The following RCSD1 variants were observed in gnomAD, a reference collection of about 807,000 sequenced individuals.
RCSD1 encodes the protein RCSD domain containing 1, also known as capZ-interacting protein.
In RCSD1, 26 loss-of-function variants were observed where a neutral mutation model predicts 42.5. The ratio of observed to expected loss-of-function variants is 0.61; its 90% CI spans 0.45 to 0.85. The LOEUF (loss-of-function observed/expected upper bound fraction) is 0.85, where lower values mean the gene tolerates loss of function less well. Ranked by LOEUF, RCSD1 falls within the 40% of genes least tolerant of loss-of-function variation. The pLI is 0.00. For missense variants in RCSD1, 571 were observed against 528.3 expected, an observed-to-expected ratio of 1.08 and a Z score of -0.79; for synonymous variants, 220 against 212.2, an observed-to-expected ratio of 1.04 and a Z score of -0.32.
intron 6 of RCSD1, 73 bp downstream of exon 6, chr1:167,697,915 T>C: frequency 5.9e-6 from 8 of 1,362,030 alleles, no homozygotes; most frequent in Non-Finnish European, 7.6e-6. Flanking sequence ...CATGTCCTGT[T>C]CCGTACAGTC....
intron 1 of RCSD1, among the ~76,000 whole-genome samples, chr1:167,682,668 A>AGTGTGT (rs10607777): frequency 0.025 from 3,535 of 142,640 alleles, 62 homozygotes; most frequent in Middle Eastern, 0.036. Context: ...GCCATGGAAG[A>AGTGTGT]GTGTGTGTGT....
intron 2 of RCSD1, 78 bp downstream of exon 2, chr1:167,684,079 GGGAGGGAGGA>G (rs1395073257): frequency 9.2e-6 from 11 of 1,200,000 alleles, no homozygotes; most frequent in Non-Finnish European, 1.3e-5. Context: ...CCAGCGGAGA[GGGAGGGAGGA>G]GGCTTGGTAG....
At chr1:167,681,890 G>C (rs139097658) in intron 1 of RCSD1, among the ~76,000 whole-genome samples, 1 of 152,180 alleles carries the variant, frequency 6.6e-6, no homozygotes, top group Non-Finnish European at 1.5e-5. Context: ...AGGGTAAAAC[G>C]TGTCAAGTCT....
At chr1:167,657,878 CTA>C (rs1170184827) in intron 1 of RCSD1, among the ~76,000 whole-genome samples, 1 of 151,272 alleles carries the variant, frequency 6.6e-6, no homozygotes, top group African/African-American at 2.4e-5. Flanking sequence ...AAAATCAGTT[CTA>C]GTTTACTCAT....
chr1:167,690,483 G>A (rs1025954651), intron 4 of RCSD1, among the ~76,000 whole-genome samples: 46 of 152,230 alleles, frequency 3.0e-4, no homozygotes, highest in African/African-American at 1.1e-3. Flanking sequence ...AGACCAGACT[G>A]GGCAACATAG....
At chr1:167,695,538 A>AT (rs34867466) in intron 5 of RCSD1, among the ~76,000 whole-genome samples, 3,713 of 141,038 alleles carry the variant, frequency 0.026, 148 homozygotes, top group African/African-American at 0.086. Context: ...TTACACACTA[A>AT]TTTTTTTTTT....
At chr1:167,671,149 G>A (rs1485852309) in intron 1 of RCSD1, among the ~76,000 whole-genome samples, 1 of 152,204 alleles carries the variant, frequency 6.6e-6, no homozygotes, top group Non-Finnish European at 1.5e-5. Context: ...GGTCTGGCAT[G>A]TTGTAGGGTC....
chr1:167,677,943 G>T (rs1484910460), intron 1 of RCSD1, among the ~76,000 whole-genome samples: 3 of 152,222 alleles, frequency 2.0e-5, no homozygotes, highest in African/African-American at 7.2e-5. Context: ...GTGGGAGGCA[G>T]ATTTGCCTGA....
intron 4 of RCSD1, among the ~76,000 whole-genome samples, chr1:167,690,904 C>G (rs2101715334): frequency 6.6e-6 from 1 of 152,238 alleles, no homozygotes; most frequent in South Asian, 2.1e-4. Context: ...TGCCCAGAGC[C>G]CTCACCTCCC....
At chr1:167,642,441 T>C (rs1658029962) in intron 1 of RCSD1, among the ~76,000 whole-genome samples, 1 of 152,258 alleles carries the variant, frequency 6.6e-6, no homozygotes, top group South Asian at 2.1e-4. Context: ...ATGTTTTCAA[T>C]GATGTCAGCT....
chr1:167,704,872 C>T lies in RCSD1; in HGVS notation c.*176C>T. 1 of 588,798 alleles carries T rather than the reference C, an allele frequency of 1.7e-6. No individual in the cohort carries two copies. 36.5% of individuals were successfully genotyped at this position (588,798 alleles called of 1,614,324 possible). A position where few individuals can be genotyped will look rare whatever the true frequency, so the allele number is the denominator to read the frequency against. ...TCCTGGCCTCCACACCAAACGTTCC[C>T]TTGCAGATGGAGACTGAATCTGAGG... is the stretch of plus-strand genomic sequence containing the variant. On this transcript the variant is annotated 3_prime_UTR_variant, in exon 7 of 7. Transcript: ENST00000367854.
At chr1:167,647,019 A>C (rs988212843) in intron 1 of RCSD1, among the ~76,000 whole-genome samples, 1 of 151,692 alleles carries the variant, frequency 6.6e-6, no homozygotes, top group Non-Finnish European at 1.5e-5. Flanking sequence ...AATCCCAGCT[A>C]CTTGGGAGGC....
chr1:167,672,541 T>C (rs1229354), intron 1 of RCSD1, among the ~76,000 whole-genome samples: 15,253 of 152,186 alleles, frequency 0.1, 1,024 homozygotes, highest in Non-Finnish European at 0.12. Context: ...TTGTGGCTCC[T>C]TCCTCCATCT....
intron 4 of RCSD1, among the ~76,000 whole-genome samples, chr1:167,690,638 C>T (rs867212913): frequency 2.0e-5 from 3 of 152,218 alleles, no homozygotes; most frequent in South Asian, 2.1e-4. Context: ...CACTTCACTA[C>T]ACTCCAGCCT....
chr1:167,645,604 T>C (rs1173137890), intron 1 of RCSD1, among the ~76,000 whole-genome samples: 1 of 152,044 alleles, frequency 6.6e-6, no homozygotes, highest in African/African-American at 2.4e-5. Context: ...CTAGGAAGAA[T>C]TTTTTTTAAA....
intron 1 of RCSD1, among the ~76,000 whole-genome samples, chr1:167,639,484 T>G (rs79976135): frequency 6.7e-6 from 1 of 149,466 alleles, no homozygotes; most frequent in Non-Finnish European, 1.5e-5. Flanking sequence ...ATTCTCATTG[T>G]TTTTTTTTTC....
chr1:167,680,950 C>A (rs1326935616), intron 1 of RCSD1, among the ~76,000 whole-genome samples: 1 of 152,158 alleles, frequency 6.6e-6, no homozygotes, highest in African/African-American at 2.4e-5. Context: ...GCGGGACTGC[C>A]GTGAAGAGCT....
At chr1:167,670,493 C>A (rs899174453) in intron 1 of RCSD1, among the ~76,000 whole-genome samples, 1 of 152,166 alleles carries the variant, frequency 6.6e-6, no homozygotes, top group Non-Finnish European at 1.5e-5. Flanking sequence ...TGTGTAACCC[C>A]CTGAGGCATT....
At chr1:167,698,765 C>T (rs1412876641) in intron 6 of RCSD1, among the ~76,000 whole-genome samples, 1 of 151,938 alleles carries the variant, frequency 6.6e-6, no homozygotes, top group Non-Finnish European at 1.5e-5. Context: ...GCTACAGTAG[C>T]CTCTTTGTTT....
Sources: gnomAD v4.1 joint callset for allele counts (sites outside exome capture counted in the v4.1 genomes callset) on GRCh38, gnomAD v4.1.1 for gene constraint, MANE v1.5 for transcripts, NCBI Gene and HGNC (gene_info 2026-07-23, HGNC 2026-07-21) for gene names.